Variants in NLGN1 observed in about 807,000 individuals in gnomAD.
The protein encoded by NLGN1 is neuroligin 1, also known as neuroligin-1.
NLGN1 carries 12 observed loss-of-function variants against 65.5 expected under a neutral mutation model. The observed-to-expected ratio is 0.18, with a 90% CI of 0.12 to 0.30. NLGN1 has a LOEUF of 0.30. Among genes scored for constraint, NLGN1 ranks in the 10% least tolerant of loss-of-function variants. The probability of loss-of-function intolerance (pLI) is 1.00; values close to 1 mark genes in which losing one functional copy is unlikely to be tolerated. For synonymous variants in NLGN1, 350 were observed against 359.5 expected, an observed-to-expected ratio of 0.97 and a Z score of 0.30; for missense variants, 750 against 1,007.1, an observed-to-expected ratio of 0.74 and a Z score of 3.46.
intron 4 of NLGN1, among the ~76,000 whole-genome samples, chr3:174,222,831 T>C (rs1291998836): frequency 6.6e-6 from 1 of 152,192 alleles, no homozygotes. Flanking sequence ...TTCCAGTTGC[T>C]ATCTGTATCT....
At chr3:174,198,382 C>A (rs1464087717) in intron 4 of NLGN1, among the ~76,000 whole-genome samples, 2 of 152,112 alleles carry the variant, frequency 1.3e-5, no homozygotes, top group Non-Finnish European at 2.9e-5. Flanking sequence ...GTAGCTATAT[C>A]TTTGTGTTAT....
exon 7 of NLGN1, chr3:174,281,457 G>A (rs1335455800): frequency 3.3e-6 from 2 of 606,574 alleles, no homozygotes; most frequent in Non-Finnish European, 5.9e-6. Context: ...TGAAAAAAAT[G>A]AATTGTATAT....
chr3:173,856,427 G>T (rs1470930019), intron 4 of NLGN1, among the ~76,000 whole-genome samples: 1 of 152,036 alleles, frequency 6.6e-6, no homozygotes, highest in Non-Finnish European at 1.5e-5. Flanking sequence ...CACAAGTTTG[G>T]AAACAGTCAA....
chr3:174,223,871 T>A (rs1169451589), intron 4 of NLGN1, among the ~76,000 whole-genome samples: 3 of 152,164 alleles, frequency 2.0e-5, no homozygotes, highest in African/African-American at 7.2e-5. Flanking sequence ...ATTTTCTCCC[T>A]GAGTTAATGA....
At chr3:173,681,507 G>A (rs1329545883) in intron 3 of NLGN1, among the ~76,000 whole-genome samples, 2 of 152,084 alleles carry the variant, frequency 1.3e-5, no homozygotes, top group African/African-American at 4.8e-5. Flanking sequence ...TCCATCCTTG[G>A]CCTCTCCAAA....
chr3:173,410,431 C>A (rs926547591), intron 1 of NLGN1, among the ~76,000 whole-genome samples: 11 of 152,298 alleles, frequency 7.2e-5, no homozygotes, highest in African/African-American at 2.4e-4. Flanking sequence ...TCAAACGCTA[C>A]CTCAATTGTG....
chr3:174,259,548 T>C (rs1746452527), intron 4 of NLGN1, among the ~76,000 whole-genome samples: 1 of 151,854 alleles, frequency 6.6e-6, no homozygotes, highest in Non-Finnish European at 1.5e-5. Context: ...CAAGACACAA[T>C]GTCCTCTATT....
At chr3:173,791,721 C>G (rs1712807619) in intron 3 of NLGN1, among the ~76,000 whole-genome samples, 1 of 152,004 alleles carries the variant, frequency 6.6e-6, no homozygotes, top group Non-Finnish European at 1.5e-5. Context: ...TTCCTTTTCT[C>G]TGCTTGTCTT....
intron 4 of NLGN1, among the ~76,000 whole-genome samples, chr3:174,153,395 C>T (rs1413007394): frequency 1.3e-5 from 2 of 152,040 alleles, no homozygotes; most frequent in Non-Finnish European, 2.9e-5. Context: ...TTCCCACATA[C>T]ATTTAAAATA....
At chr3:174,170,543 A>G (rs1380872239) in intron 4 of NLGN1, among the ~76,000 whole-genome samples, 1 of 152,208 alleles carries the variant, frequency 6.6e-6, no homozygotes, top group African/African-American at 2.4e-5. Flanking sequence ...TCTTAATGAA[A>G]GAAAAGATAT....
At position 173,931,020 on chromosome 3, in the gene NLGN1, A is replaced by G. The variant is rs1434631300; in HGVS notation, c.646+123188A>G. On this transcript the variant is annotated intron_variant, in intron 4 of 6. Coordinates refer to ENST00000457714, the Ensembl canonical transcript of NLGN1. ...TTTGTAAACTATAAAGCACCATGAA[A>G]CTATCCATTATTGTAATTTGCTAGT... Among the ~76,000 whole-genome samples, 4 of 152,196 alleles carry G rather than the reference A, an allele frequency of 2.6e-5. No homozygotes were observed. In the East Asian group the frequency reaches 7.7e-4, roughly 29 times the overall value.
intron 4 of NLGN1, among the ~76,000 whole-genome samples, chr3:173,935,756 T>C (rs1243505785): frequency 2.2e-4 from 34 of 151,984 alleles, no homozygotes; most frequent in Non-Finnish European, 4.4e-5. Flanking sequence ...TTATTTTGTG[T>C]GTATGTATTT....
At chr3:173,591,769 C>G (rs1024638001) in intron 2 of NLGN1, among the ~76,000 whole-genome samples, 2 of 152,262 alleles carry the variant, frequency 1.3e-5, no homozygotes, top group East Asian at 3.9e-4. Context: ...TCACTACACA[C>G]AAAAATAAGC....
intron 4 of NLGN1, among the ~76,000 whole-genome samples, chr3:174,225,760 C>A (rs1236596201): frequency 6.6e-6 from 1 of 151,802 alleles, no homozygotes; most frequent in Non-Finnish European, 1.5e-5. Flanking sequence ...ATTATTCTTG[C>A]AAGTCAGAGA....
intron 3 of NLGN1, among the ~76,000 whole-genome samples, chr3:173,660,016 A>G (rs574393383): frequency 7.2e-5 from 11 of 151,902 alleles, no homozygotes; most frequent in Non-Finnish European, 1.0e-4. Flanking sequence ...TCCTCCTTCT[A>G]TACTTTGTTG....
intron 4 of NLGN1, among the ~76,000 whole-genome samples, chr3:173,918,660 ATGTG>A (rs71162369): frequency 0.18 from 20,570 of 111,358 alleles, 2,042 homozygotes; most frequent in Admixed American, 0.25. Context: ...AGAAATACAT[ATGTG>A]TGTGTGTGTG....
chr3:174,220,279 G>A (rs532224877), intron 4 of NLGN1, among the ~76,000 whole-genome samples: 58 of 152,108 alleles, frequency 3.8e-4, no homozygotes, highest in Non-Finnish European at 6.3e-4. Context: ...GATGAAATCA[G>A]ATAAACTGAG....
At chr3:173,782,343 G>A (rs1369633145) in intron 3 of NLGN1, among the ~76,000 whole-genome samples, 3 of 152,018 alleles carry the variant, frequency 2.0e-5, no homozygotes, top group South Asian at 2.1e-4. Flanking sequence ...TTAAAGGCGC[G>A]GGTAATGTAA....
intron 4 of NLGN1, among the ~76,000 whole-genome samples, chr3:174,214,337 T>C (rs1267931937): frequency 2.0e-5 from 3 of 152,338 alleles, no homozygotes; most frequent in Non-Finnish European, 4.4e-5. Flanking sequence ...TCATTAGCTT[T>C]TCTGAAATGC....
Sources: gnomAD v4.1 joint callset for allele counts (sites outside exome capture counted in the v4.1 genomes callset) on GRCh38, gnomAD v4.1.1 for gene constraint, MANE v1.5 for transcripts, NCBI Gene and HGNC (gene_info 2026-07-23, HGNC 2026-07-21) for gene names.